Variants in ATP11C observed in about 807,000 individuals in gnomAD.
ATP11C encodes ATPase phospholipid transporting 11C (ATP11C blood group), also known as phospholipid-transporting ATPase IG.
ATP11C carries 36 observed loss-of-function variants against 97.4 expected under a neutral mutation model. The observed-to-expected ratio is 0.37, with a 90% confidence interval of 0.28 to 0.49. ATP11C has a LOEUF of 0.49. Ranked by LOEUF, ATP11C falls within the 20% of genes least tolerant of loss-of-function variation. ATP11C has a pLI of 0.98. For missense variants in ATP11C, 730 were observed against 824.6 expected (o/e 0.89, Z 1.40); for synonymous variants, 275 against 290.9 (o/e 0.95, Z 0.56).
chrX:139,760,905 A>C (rs766275414), intron 22 of ATP11C, among the ~76,000 whole-genome samples: 10 of 112,292 alleles, frequency 8.9e-5, no homozygotes, highest in African/African-American at 2.9e-4. Flanking sequence ...TTTGGAAATG[A>C]TAGAAAAGTT....
chrX:139,792,446 G>A (rs1209664232), intron 12 of ATP11C, among the ~76,000 whole-genome samples: 1 of 110,682 alleles, frequency 9.0e-6, no homozygotes, highest in African/African-American at 3.3e-5. Context: ...GTAAACTACT[G>A]GACCCCATTT....
intron 24 of ATP11C, 52 bp from the exon 25 acceptor site, chrX:139,745,909 T>C: frequency 8.7e-7 from 1 of 1,143,960 alleles, no homozygotes; most frequent in Non-Finnish European, 1.2e-6. Context: ...CATTTAAACA[T>C]ACAGTGAAAT....
intron 1 of ATP11C, among the ~76,000 whole-genome samples, chrX:139,855,734 T>C (rs952931072): frequency 1.8e-5 from 2 of 112,105 alleles, no homozygotes; most frequent in African/African-American, 6.5e-5. Flanking sequence ...TGTGGGGACT[T>C]GCCAAGTCAA....
chrX:139,819,062 A>AC (rs772287284), intron 3 of ATP11C, among the ~76,000 whole-genome samples: 38 of 112,082 alleles, frequency 3.4e-4, no homozygotes, highest in Non-Finnish European at 7.0e-4. Context: ...TACACAATAC[A>AC]CGTCATCCTG....
intron 27 of ATP11C, among the ~76,000 whole-genome samples, chrX:139,738,543 C>A (rs2081492547): frequency 8.9e-6 from 1 of 111,863 alleles, no homozygotes; most frequent in Non-Finnish European, 1.9e-5. Context: ...ACAGTAGAAG[C>A]TTATCATCTC....
chrX:139,807,045 G>C (rs2083059603), intron 5 of ATP11C, among the ~76,000 whole-genome samples: 1 of 111,026 alleles, frequency 9.0e-6, no homozygotes, highest in African/African-American at 3.3e-5. Flanking sequence ...GGAGGATATT[G>C]AGAAAGTCTT....
intron 2 of ATP11C, among the ~76,000 whole-genome samples, chrX:139,823,233 C>T (rs370499327): frequency 1.3e-4 from 15 of 111,665 alleles, no homozygotes; most frequent in African/African-American, 3.6e-4. Flanking sequence ...AAACAAAAAA[C>T]GCCAGCTTTC....
At chrX:139,916,247 C>T (rs1308138692) in intron 1 of ATP11C, among the ~76,000 whole-genome samples, 5 of 98,258 alleles carry the variant, frequency 5.1e-5, no homozygotes, top group Non-Finnish European at 8.4e-5. Context: ...AAAAAAAAGA[C>T]TGGACATCAC....
At chrX:139,849,688 T>C (rs1398044251) in intron 1 of ATP11C, among the ~76,000 whole-genome samples, 2 of 112,591 alleles carry the variant, frequency 1.8e-5, no homozygotes, top group African/African-American at 6.5e-5. Context: ...TCAGTCTTTA[T>C]CTTACTTAAA....
At chrX:139,823,421 G>A (rs1420111933) in intron 2 of ATP11C, among the ~76,000 whole-genome samples, 1 of 112,006 alleles carries the variant, frequency 8.9e-6, no homozygotes, top group Non-Finnish European at 1.9e-5. Context: ...TTTCCCAAAG[G>A]AGGAAAGTTG....
Position 139,728,839 on chromosome X carries a change from GTTGCGTATCAAGTA to G in ATP11C, c.*113_*126del. ...TCTAGACATGAGAGTGGTTTAGTGT[GTTGCGTATCAAGTA>G]TCCTGAGATGATAACTTTTTGTAGT... On this transcript the variant is annotated 3_prime_UTR_variant, in exon 30 of 30. Transcript: ENST00000682941. 1 of 891,457 alleles carries G rather than the reference GTTGCGTATCAAGTA, an allele frequency of 1.1e-6. No homozygotes were observed. Among genetic ancestry groups the G allele is most frequent in the Non-Finnish European group, 1.6e-6 (1 of 612,335 alleles). 73.5% of individuals were successfully genotyped at this position (891,457 alleles called of 1,213,427 possible). A position where few individuals can be genotyped will look rare whatever the true frequency, so the allele number is the denominator to read the frequency against.
intron 1 of ATP11C, among the ~76,000 whole-genome samples, chrX:139,879,011 T>C (rs779769430): frequency 1.8e-5 from 2 of 111,156 alleles, no homozygotes; most frequent in East Asian, 5.7e-4. Context: ...CTCAGGAGGC[T>C]GAGCTGGGAG....
intron 1 of ATP11C, among the ~76,000 whole-genome samples, chrX:139,915,796 T>C (rs1248485430): frequency 8.9e-6 from 1 of 112,580 alleles, no homozygotes; most frequent in Admixed American, 9.4e-5. Flanking sequence ...GAAAATATAA[T>C]AGCAAATTGC....
At chrX:139,899,847 C>T (rs2084868497) in intron 1 of ATP11C, among the ~76,000 whole-genome samples, 1 of 111,624 alleles carries the variant, frequency 9.0e-6, no homozygotes, top group Admixed American at 9.6e-5. Flanking sequence ...ACCTGTTGTA[C>T]AAGAAAGAAA....
intron 5 of ATP11C, among the ~76,000 whole-genome samples, chrX:139,808,742 A>G (rs1037983486): frequency 8.9e-6 from 1 of 112,519 alleles, no homozygotes; most frequent in Admixed American, 9.4e-5. Flanking sequence ...AAGATACTAT[A>G]TGAAAATTTA....
chrX:139,921,486 G>A (rs926738889), intron 1 of ATP11C, among the ~76,000 whole-genome samples: 1 of 111,847 alleles, frequency 8.9e-6, no homozygotes, highest in Non-Finnish European at 1.9e-5. Flanking sequence ...GTGGAACTGT[G>A]AGTCCATTAA....
chrX:139,803,693 T>C (rs1178754391), intron 6 of ATP11C, among the ~76,000 whole-genome samples: 1 of 55,233 alleles, frequency 1.8e-5, no homozygotes, highest in Non-Finnish European at 2.8e-5. Context: ...ATCTTTTTTT[T>C]TTTTTTTTTT....
At chrX:139,825,950 G>C (rs760838773) in intron 2 of ATP11C, among the ~76,000 whole-genome samples, 2 of 112,305 alleles carry the variant, frequency 1.8e-5, no homozygotes, top group South Asian at 7.4e-4. Flanking sequence ...CTGAGTACTA[G>C]GAGCTATAAG....
At chrX:139,799,341 A>C (rs2082869249) in intron 8 of ATP11C, among the ~76,000 whole-genome samples, 1 of 111,744 alleles carries the variant, frequency 8.9e-6, no homozygotes, top group Non-Finnish European at 1.9e-5. Flanking sequence ...AATTCGTTTT[A>C]ATGAAGCCTT....
Sources: gnomAD v4.1 joint callset for allele counts (sites outside exome capture counted in the v4.1 genomes callset) on GRCh38, gnomAD v4.1.1 for gene constraint, MANE v1.5 for transcripts, NCBI Gene and HGNC (gene_info 2026-07-23, HGNC 2026-07-21) for gene names.